KCTD19: variants seen among roughly 807,000 people sequenced by gnomAD.
KCTD19 encodes BTB/POZ domain-containing protein KCTD19.
Under a neutral mutation model 103.5 loss-of-function variants are expected in KCTD19, and 67 were observed. The ratio of observed to expected loss-of-function variants is 0.65; its 90% CI spans 0.53 to 0.79. KCTD19 has a LOEUF of 0.79. KCTD19 is among the 30% of genes least tolerant of loss of function. The pLI, the probability that KCTD19 is intolerant of heterozygous loss-of-function variation, is 0.00. For synonymous variants in KCTD19, 439 were observed against 452.2 expected, an observed-to-expected ratio of 0.97 and a Z score of 0.37; for missense variants, 980 against 1,136.1, an observed-to-expected ratio of 0.86 and a Z score of 1.98.
At position 67,303,419 on chromosome 16, in the gene KCTD19, G is replaced by T; in HGVS notation, c.452-82C>A. 1 of 1,217,650 alleles carries T rather than the reference G, an allele frequency of 8.2e-7. No individual in the cohort carries two copies. The highest frequency in any genetic ancestry group is 1.1e-6 in the Non-Finnish European group (1 of 872,678). 75.4% of individuals were successfully genotyped at this position (1,217,650 alleles called of 1,614,324 possible). A position where few individuals can be genotyped will look rare whatever the true frequency, so the allele number is the denominator to read the frequency against. ...CAGCAGGGCTTTCACTGACCCAGGGGCCCCAGAGGATGCTAGAGAGACCCC... is the reference window on the plus strand; with the variant it reads ...CAGCAGGGCTTTCACTGACCCAGGGTCCCCAGAGGATGCTAGAGAGACCCC... On this transcript the variant is annotated intron_variant, in intron 3 of 15. Coordinates refer to ENST00000304372, the MANE Select transcript of KCTD19 (RefSeq NM_001100915.3). This position sits in a 1 kb window ranked among gnomAD's most constrained non-coding sequence, Gnocchi z 4.3.
Position 67,289,531 on chromosome 16 carries a change from T to C in KCTD19, c.*38A>G, listed in dbSNP as rs1442467923. The C allele has an allele frequency of 1.6e-6, 2 of 1,244,428 alleles. No individual in the cohort carries two copies. The highest frequency in any genetic ancestry group is 4.7e-5 in the East Asian group (2 of 42,982). 77.1% of individuals were successfully genotyped at this position (1,244,428 alleles called of 1,614,324 possible). A position where few individuals can be genotyped will look rare whatever the true frequency, so the allele number is the denominator to read the frequency against. On this transcript the variant is annotated 3_prime_UTR_variant, in exon 16 of 16. Transcript: ENST00000304372. The stretch of plus-strand genomic sequence containing the variant: ...GGCTATCTCCAATTAAAATGAGACT[T>C]GGCGGGTGGGGCATGAGGGGCTGCA...
Position 67,293,133 on chromosome 16 carries a change from T to C in KCTD19, c.2218+411A>G, listed in dbSNP as rs2036719374. On this transcript the variant is annotated intron_variant, in intron 12 of 15. Coordinates refer to ENST00000304372, the MANE Select transcript of KCTD19 (RefSeq NM_001100915.3). This position sits in a 1 kb window ranked among gnomAD's most constrained non-coding sequence, Gnocchi z 4.0. ...CTGGTCAGAATGGAGTACCACGTCC[T>C]GAAGCTGGCCCACGAGGCCTGTCCT... Among the ~76,000 whole-genome samples, 1 of 152,206 alleles carries C rather than the reference T, an allele frequency of 6.6e-6. No individual in the cohort carries two copies. Among genetic ancestry groups the C allele is most frequent in the Non-Finnish European group, 1.5e-5 (1 of 68,024 alleles).
rs534393464 is a variant in KCTD19, at chr16:67,297,712, A to G, written c.987-49T>C. 7.5e-5 allele frequency: 119 copies of G among 1,577,428 alleles called. No homozygotes were observed. In the South Asian group the frequency reaches 1.2e-3, roughly 16 times the overall value. ...TGAAGAACATCAGCATTGTACCCCA[A>G]GAGAGTCGAGCCTGTAAACTTTCCA... On this transcript the variant is annotated intron_variant, in intron 6 of 15. Coordinates refer to ENST00000304372, the MANE Select transcript of KCTD19 (RefSeq NM_001100915.3).
chr16:67,315,766 A>G (rs1186570238), intron 2 of KCTD19, among the ~76,000 whole-genome samples: 1 of 151,900 alleles, frequency 6.6e-6, no homozygotes, highest in Non-Finnish European at 1.5e-5. Context: ...GGTGTGAGCC[A>G]CCGTGCCTGG....
chr16:67,326,250 G>T (rs2037165958), intron 1 of KCTD19, among the ~76,000 whole-genome samples: 1 of 152,066 alleles, frequency 6.6e-6, no homozygotes, highest in African/African-American at 2.4e-5. Context: ...TCTAGAGCTA[G>T]AACTTCCTCA....
At chr16:67,308,856 G>C (rs1285196006) in intron 2 of KCTD19, among the ~76,000 whole-genome samples, 1 of 152,174 alleles carries the variant, frequency 6.6e-6, no homozygotes, top group East Asian at 1.9e-4. Context: ...GGGCTAGCCA[G>C]GTGCGGTGGC....
intron 2 of KCTD19, among the ~76,000 whole-genome samples, chr16:67,311,303 C>CT (rs908267916): frequency 5.0e-4 from 73 of 146,930 alleles, no homozygotes; most frequent in Middle Eastern, 6.9e-3. Context: ...TAGGCCAAAT[C>CT]TTTTTTTTTT....
At chr16:67,309,757 T>C (rs2036930999) in intron 2 of KCTD19, among the ~76,000 whole-genome samples, 3 of 152,146 alleles carry the variant, frequency 2.0e-5, no homozygotes, top group Admixed American at 1.3e-4. Context: ...CACTCCTATT[T>C]GGAGGTGTTT....
chr16:67,318,557 CAAAAAAAAAAA>C (rs764640736), intron 2 of KCTD19, among the ~76,000 whole-genome samples: 1 of 59,516 alleles, frequency 1.7e-5, no homozygotes, highest in Non-Finnish European at 4.1e-5. Context: ...GACTCTATCT[CAAAAAAAAAAA>C]AAAAAAAAAA....
At chr16:67,292,046 G>A (rs910665569) in intron 12 of KCTD19, among the ~76,000 whole-genome samples, 2 of 152,086 alleles carry the variant, frequency 1.3e-5, no homozygotes, top group Non-Finnish European at 2.9e-5. Flanking sequence ...GCTAATTTTT[G>A]TATTTTTGGT....
chr16:67,302,736 A>G, intron 4 of KCTD19: 1 of 201,674 alleles, frequency 5.0e-6, no homozygotes, highest in East Asian at 1.7e-4. Context: ...AGCAGGTAGC[A>G]CCATCCTTTG....
intron 2 of KCTD19, among the ~76,000 whole-genome samples, chr16:67,309,225 C>G (rs930038956): frequency 6.6e-6 from 1 of 151,858 alleles, no homozygotes; most frequent in African/African-American, 2.4e-5. Context: ...CATGGGAGAT[C>G]TCCAAAGAAG....
chr16:67,319,041 A>C (rs546227640), intron 2 of KCTD19, among the ~76,000 whole-genome samples: 3 of 151,958 alleles, frequency 2.0e-5, no homozygotes, highest in African/African-American at 7.3e-5. Context: ...TGGCCAATAT[A>C]GTGAAACCCC....
rs185514372 is a variant in KCTD19 at position 67,315,985 on chromosome 16, T to C, written c.300+4604A>G. 4.6e-5 allele frequency among the ~76,000 whole-genome samples: 7 copies of C among 152,326 alleles called. No homozygotes were observed. The East Asian group carries it at 1.3e-3, about 29-fold the overall frequency. On this transcript the variant is annotated intron_variant, in intron 2 of 15. Coordinates refer to ENST00000304372, the MANE Select transcript of KCTD19 (RefSeq NM_001100915.3). ...CCTTACCCCTTTGCCCCTTTTTCAT[T>C]CAGATTTCTGCTCAAATGTTGCCTT...
intron 2 of KCTD19, among the ~76,000 whole-genome samples, chr16:67,307,097 A>G (rs1037724555): frequency 7.2e-4 from 110 of 152,208 alleles, no homozygotes; most frequent in African/African-American, 2.6e-3. Flanking sequence ...TGATATTTCA[A>G]TACATGGATA....
Position 67,320,827 on chromosome 16 carries a change from C to T in KCTD19, c.62G>A (p.Gly21Asp). ...AEDLFHFNVG[G>D]WHFSVPRSKL... ...GCTTCTGGGAACTGAGAAATGCCAG[C>T]CCCCTACGTTGAAATGAAACAAGTC... The change falls in exon 2 of 16, where the codon GGC (glycine) becomes GAC (aspartate). Residue 21 changes from glycine (G) to aspartate (D), a missense_variant. Physicochemically the swap from Gly to Asp is moderately conservative, Grantham distance 94. Transcript: ENST00000304372. The surrounding 1 kb of genome is among the most constrained non-coding windows in gnomAD (Gnocchi z 4.0). 6.2e-7 allele frequency: 1 copy of T among 1,614,108 alleles called. No homozygotes were observed. Among genetic ancestry groups the T allele is most frequent in the Non-Finnish European group, 8.5e-7 (1 of 1,179,994 alleles).
At chr16:67,314,337 G>A (rs1016477547) in intron 2 of KCTD19, among the ~76,000 whole-genome samples, 5 of 150,608 alleles carry the variant, frequency 3.3e-5, no homozygotes, top group Non-Finnish European at 5.9e-5. Flanking sequence ...ATGCAATTCA[G>A]TGGCTTTTAA....
intron 2 of KCTD19, among the ~76,000 whole-genome samples, chr16:67,315,311 CTTT>C (rs771972233): frequency 1.4e-5 from 2 of 141,498 alleles, no homozygotes; most frequent in African/African-American, 2.6e-5. Context: ...AACTATTCCT[CTTT>C]TTTTTTTTTT....
Position 67,303,950 on chromosome 16 carries a change from T to C in KCTD19, c.451+471A>G, listed in dbSNP as rs2036864184. Among the ~76,000 whole-genome samples the C allele has an allele frequency of 6.6e-6, 1 of 152,248 alleles. No individual in the cohort carries two copies. The highest frequency in any genetic ancestry group is 1.5e-5 in the Non-Finnish European group (1 of 68,042). ...AATTCATTTACCCATTTGATTCTAATTGATCAAACCAAACACAGTGATCCA... is the reference window on the plus strand; with the variant it reads ...AATTCATTTACCCATTTGATTCTAACTGATCAAACCAAACACAGTGATCCA... On this transcript the variant is annotated intron_variant, in intron 3 of 15. Coordinates refer to ENST00000304372, the MANE Select transcript of KCTD19 (RefSeq NM_001100915.3). The surrounding 1 kb of genome is among the most constrained non-coding windows in gnomAD (Gnocchi z 4.3).
Sources: gnomAD v4.1 joint callset for allele counts (sites outside exome capture counted in the v4.1 genomes callset) on GRCh38, gnomAD v4.1.1 for gene constraint, Gnocchi (gnomAD v3.1) non-coding constraint, MANE v1.5 for transcripts, NCBI Gene and HGNC (gene_info 2026-07-23, HGNC 2026-07-21) for gene names.